The following HMCN2 variants were observed in gnomAD, a reference collection of about 807,000 sequenced individuals.
The protein encoded by HMCN2 is hemicentin 2.
A neutral mutation model predicts 377.5 loss-of-function variants in HMCN2; 325 were observed. The ratio of observed to expected loss-of-function variants is 0.86; its 90% CI spans 0.79 to 0.94. HMCN2 has a LOEUF of 0.94. HMCN2 is among the 40% of genes least tolerant of loss of function. The probability of loss-of-function intolerance (pLI) is 0.00; values close to 1 mark genes in which losing one functional copy is unlikely to be tolerated. For missense variants in HMCN2, 4,543 were observed against 4,725.3 expected (o/e 0.96, Z 1.13); for synonymous variants, 2,007 against 2,046.8 (o/e 0.98, Z 0.53).
chr9:130,356,005 A>G, intron 33 of HMCN2, 83 bp from the exon 34 acceptor site: 1 of 993,280 alleles, frequency 1.0e-6, no homozygotes, highest in Non-Finnish European at 1.3e-6. Flanking sequence ...AGGTGGGAGG[A>G]ACTTCTAGGT....
At chr9:130,266,504 G>C (rs149710148) in intron 1 of HMCN2, among the ~76,000 whole-genome samples, 7 of 152,380 alleles carry the variant, frequency 4.6e-5, no homozygotes, top group Non-Finnish European at 1.0e-4. Context: ...TTCCTCTCGA[G>C]GACTTGGGAC....
At position 130,368,381 on chromosome 9, in the gene HMCN2, G is replaced by A. The variant is rs1695275415; in HGVS notation, c.6731G>A (p.Cys2244Tyr). ...CTGGCTCAGGAAGGAACATACACCT[G>A]TGAATGCAGCAACGTGGTGGGGAAC... ...AQLAQEGTYT[C>Y]ECSNVVGNSS... is the part of the protein sequence containing the mutation. Residue 2244 changes from cysteine (C) to tyrosine (Y), a missense_variant, in exon 44 of 98, where the codon TGT becomes TAT. Coordinates refer to ENST00000683500, the MANE Select transcript of HMCN2 (RefSeq NM_001291815.2). 1 of 986,144 alleles carries A rather than the reference G, an allele frequency of 1.0e-6. No individual in the cohort carries two copies. Among genetic ancestry groups the A allele is most frequent in the Non-Finnish European group, 1.2e-6 (1 of 830,184 alleles). The allele number at this position is 986,144 out of a possible 1,614,324, so 61.1% of individuals were successfully genotyped here.
At chr9:130,287,235 C>T (rs1835463481) in intron 4 of HMCN2, among the ~76,000 whole-genome samples, 2 of 152,138 alleles carry the variant, frequency 1.3e-5, no homozygotes, top group Non-Finnish European at 2.9e-5. Context: ...TTATCTGACC[C>T]CTCTGCCTTT....
chr9:130,292,291 G>A (rs782010586), intron 4 of HMCN2, among the ~76,000 whole-genome samples: 1 of 152,210 alleles, frequency 6.6e-6, no homozygotes, highest in African/African-American at 2.4e-5. Context: ...TTCTCGCTCT[G>A]TGCGGACATC....
chr9:130,400,739 C>T (rs897803840), intron 76 of HMCN2, 44 bp from the exon 77 acceptor site: 95 of 1,251,580 alleles, frequency 7.6e-5, no homozygotes, highest in Non-Finnish European at 9.5e-5. Flanking sequence ...CCGTGAGTGC[C>T]CTGTGCCCGC....
At chr9:130,280,962 G>C (rs1835084974) in intron 1 of HMCN2, among the ~76,000 whole-genome samples, 1 of 151,988 alleles carries the variant, frequency 6.6e-6, no homozygotes, top group African/African-American at 2.4e-5. Context: ...AATTAGCCGA[G>C]CATGGTGACA....
Position 130,304,767 on chromosome 9 carries a change from C to T in HMCN2, c.1581C>T (p.Thr527=), listed in dbSNP as rs188563303. The change falls in exon 11 of 98, where the codon ACC becomes ACT. Residue 527 remains threonine (T), a synonymous_variant. Coordinates refer to ENST00000683500, the MANE Select transcript of HMCN2 (RefSeq NM_001291815.2). This position sits in a 1 kb window ranked among gnomAD's most constrained non-coding sequence, Gnocchi z 4.3. The stretch of plus-strand genomic sequence containing the variant: ...AGCTGGTCCCTGCTCCCAACGTGAC[C>T]GTGTCCCCAGGGGAGACTGCCGTCC... ...PPQLVPAPNV[T]VSPGETAVLS... 6.0e-5 allele frequency: 28 copies of T among 470,436 alleles called. No homozygotes were observed. Among genetic ancestry groups the T allele is most frequent in the Non-Finnish European group, 9.3e-5 (21 of 226,434 alleles). 29.1% of individuals were successfully genotyped at this position (470,436 alleles called of 1,614,324 possible).
At chr9:130,427,065 G>A (rs1286166357) in intron 90 of HMCN2, among the ~76,000 whole-genome samples, 1 of 152,206 alleles carries the variant, frequency 6.6e-6, no homozygotes, top group East Asian at 1.9e-4. Context: ...TGGTTTTCCT[G>A]GGGCTGCCTG....
chr9:130,359,752 G>A (rs1246979130), intron 37 of HMCN2, among the ~76,000 whole-genome samples: 2 of 152,054 alleles, frequency 1.3e-5, no homozygotes, highest in Admixed American at 1.3e-4. Flanking sequence ...GGAAAGGGCC[G>A]GGAGCTGGGG....
In HMCN2 at chr9:130,304,863, C is replaced by T; in HGVS notation, c.1677C>T (p.Ala559=). 1 of 471,130 alleles carries T rather than the reference C, an allele frequency of 2.1e-6. No homozygotes were observed. The highest frequency in any genetic ancestry group is 4.4e-6 in the Non-Finnish European group (1 of 227,062). The allele number at this position is 471,130 out of a possible 1,614,324, so 29.2% of individuals were successfully genotyped here. Residue 559 remains alanine, a synonymous_variant, in exon 11 of 98, where the codon GCC becomes GCT. Transcript: ENST00000683500. The surrounding 1 kb of genome is among the most constrained non-coding windows in gnomAD (Gnocchi z 4.3). ...TCCGGGACTGGCGAGTCCTGCCGGCCTCGACGGGCCGAGTTGCCCAGCTGG... is the reference window on the plus strand; with the variant it reads ...TCCGGGACTGGCGAGTCCTGCCGGCTTCGACGGGCCGAGTTGCCCAGCTGG... ...TWVRDWRVLP[A]STGRVAQLAD...
chr9:130,403,578 G>T (rs2131724387), intron 79 of HMCN2, among the ~76,000 whole-genome samples, 163 bp from the exon 80 acceptor site: 1 of 152,298 alleles, frequency 6.6e-6, no homozygotes, highest in East Asian at 1.9e-4. Context: ...GGGGGCAGCT[G>T]AGCTGGGCTC....
chr9:130,282,418 C>G (rs1835169453), intron 1 of HMCN2, among the ~76,000 whole-genome samples: 1 of 152,102 alleles, frequency 6.6e-6, no homozygotes, highest in Non-Finnish European at 1.5e-5. Flanking sequence ...CCCCATAGCC[C>G]AAAAAGGATA....
chr9:130,312,505 G>GTCTCTCTCTCCC (rs1197242012), intron 15 of HMCN2, among the ~76,000 whole-genome samples: 69 of 6,022 alleles, frequency 0.011, 20 homozygotes, highest in Non-Finnish European at 0.043. Flanking sequence ...CTTTCTTTCT[G>GTCTCTCTCTCCC]TCCCTCCCTC....
chr9:130,406,087 G>A lies in HMCN2; in HGVS notation c.12472G>A (p.Asp4158Asn). 1 of 1,289,858 alleles carries A rather than the reference G, an allele frequency of 7.8e-7. No homozygotes were observed. Among genetic ancestry groups the A allele is most frequent in the Non-Finnish European group, 1.0e-6 (1 of 988,876 alleles). 79.9% of individuals were successfully genotyped at this position (1,289,858 alleles called of 1,614,324 possible). ...LPGDRSLRLG[D>N]RLWLRCAARG... The stretch of plus-strand genomic sequence containing the variant: ...TGGGGACCGCAGCCTGCGCCTTGGG[G>A]ACAGGCTGTGGCTTCGCTGTGCAGC... Residue 4158 changes from aspartate (D) to asparagine (N), a missense_variant, in exon 82 of 98, where the codon GAC (aspartate) becomes AAC (asparagine). Asp to Asn is a conservative substitution (Grantham distance 23). Transcript: ENST00000683500.
At chr9:130,379,527 G>C (rs1368946134) in intron 54 of HMCN2, 60 bp downstream of exon 54, 3 of 796,352 alleles carry the variant, frequency 3.8e-6, no homozygotes. Context: ...GCTGCCTGCT[G>C]TGTGACCTTA....
intron 4 of HMCN2, among the ~76,000 whole-genome samples, chr9:130,287,338 C>G (rs1216588760): frequency 2.0e-5 from 3 of 152,122 alleles, no homozygotes; most frequent in Non-Finnish European, 4.4e-5. Flanking sequence ...CGCCCGGGGC[C>G]TTTGCTGGTG....
rs544266743 is a variant in HMCN2, at chr9:130,393,521, G to A, written c.10234+212G>A. Among the ~76,000 whole-genome samples the A allele has an allele frequency of 3.3e-5, 5 of 152,320 alleles. No individual in the cohort carries two copies. In the South Asian group the frequency reaches 1.0e-3, roughly 32 times the overall value. On this transcript the variant is annotated intron_variant, in intron 67 of 97. Transcript: ENST00000683500. The surrounding 1 kb of genome is among the most constrained non-coding windows in gnomAD (Gnocchi z 5.2). ...CTCTGGTATGCCCAGGATAGGCGGG[G>A]GCAGAGAGGCAGGAAGCAGCTCAGT... is the stretch of plus-strand genomic sequence containing the variant.
chr9:130,403,823 C>T lies in HMCN2; in HGVS notation c.12096C>T (p.Ile4032=), dbSNP rs563392470. 11 of 1,289,664 alleles carry T rather than the reference C, an allele frequency of 8.5e-6. No individual in the cohort carries two copies. Among genetic ancestry groups the T allele is most frequent in the African/African-American group, 4.6e-5 (3 of 65,842 alleles). The allele number at this position is 1,289,664 out of a possible 1,614,324, so 79.9% of individuals were successfully genotyped here. Residue 4032 remains isoleucine (I), a synonymous_variant, in exon 80 of 98, where the codon ATC becomes ATT. Coordinates refer to ENST00000683500, the MANE Select transcript of HMCN2 (RefSeq NM_001291815.2). ...AGGATGCTGGAAACTATCTCTGCATCGCTAAGAACAGTGCGGGCAGTGCCA... is the reference window on the plus strand; with the variant it reads ...AGGATGCTGGAAACTATCTCTGCATTGCTAAGAACAGTGCGGGCAGTGCCA... The part of the protein sequence containing the change: ...SPEDAGNYLC[I]AKNSAGSAMG...
intron 46 of HMCN2, among the ~76,000 whole-genome samples, chr9:130,371,998 A>G (rs10751496): frequency 0.98 from 149,756 of 152,258 alleles, 73,694 homozygotes; most frequent in East Asian, 1. Context: ...ATAACCCATT[A>G]CTCTCCCTTC....
Sources: allele counts gnomAD v4.1 joint callset (sites outside exome capture counted in the v4.1 genomes callset), GRCh38; gene constraint gnomAD v4.1.1; non-coding constraint Gnocchi (gnomAD v3.1); transcripts MANE v1.5; gene names NCBI Gene and HGNC (gene_info 2026-07-23, HGNC 2026-07-21).